The following PTPRD variants were observed in gnomAD, a reference collection of about 807,000 sequenced individuals.
PTPRD encodes receptor-type tyrosine-protein phosphatase delta.
Under a neutral mutation model 214.5 loss-of-function variants are expected in PTPRD, and 34 were observed. That is an observed-to-expected ratio of 0.16 (90% CI 0.12 to 0.21). The LOEUF (loss-of-function observed/expected upper bound fraction) is 0.21. Ranked by LOEUF, PTPRD falls within the 10% of genes least tolerant of loss-of-function variation. The probability of loss-of-function intolerance (pLI) is 1.00; values close to 1 mark genes in which losing one functional copy is unlikely to be tolerated. For missense variants in PTPRD, 2,545 were observed against 2,398.7 expected, an observed-to-expected ratio of 1.06 and a Z score of -1.27; for synonymous variants, 1,128 against 845.7, an observed-to-expected ratio of 1.33 and a Z score of -5.79.
intron 11 of PTPRD, among the ~76,000 whole-genome samples, chr9:8,958,264 T>C (rs2099142013): frequency 6.6e-6 from 1 of 151,906 alleles, no homozygotes; most frequent in African/African-American, 2.4e-5. Flanking sequence ...TCTCTCTCTG[T>C]CTGAACAAGG....
chr9:10,038,651 C>T (rs530537986), intron 3 of PTPRD, among the ~76,000 whole-genome samples: 369 of 152,178 alleles, frequency 2.4e-3, no homozygotes, highest in Non-Finnish European at 4.2e-3. Flanking sequence ...GAGTTGGGAC[C>T]TGAACAGACT....
intron 10 of PTPRD, among the ~76,000 whole-genome samples, chr9:9,020,773 C>A (rs1301403014): frequency 6.6e-6 from 1 of 152,066 alleles, no homozygotes; most frequent in African/African-American, 2.4e-5. Flanking sequence ...CAGCATATAT[C>A]TAAGAGAGTG....
chr9:9,882,194 A>G (rs1217329401), intron 5 of PTPRD, among the ~76,000 whole-genome samples: 5 of 152,106 alleles, frequency 3.3e-5, no homozygotes, highest in Admixed American at 3.3e-4. Context: ...GCCCTTCACC[A>G]CCTGAATTTT....
intron 11 of PTPRD, among the ~76,000 whole-genome samples, chr9:8,966,936 C>T (rs2099199393): frequency 1.4e-5 from 2 of 142,104 alleles, no homozygotes; most frequent in South Asian, 4.7e-4. Flanking sequence ...AAACAAACAA[C>T]AAAACAACAA....
intron 14 of PTPRD, among the ~76,000 whole-genome samples, chr9:8,546,321 C>T (rs553739658): frequency 1.3e-5 from 2 of 152,186 alleles, no homozygotes; most frequent in South Asian, 2.1e-4. Flanking sequence ...TGTTATAATT[C>T]GACAGATTAA....
chr9:8,393,419 G>A (rs1194507017), intron 36 of PTPRD, among the ~76,000 whole-genome samples: 3 of 152,090 alleles, frequency 2.0e-5, no homozygotes, highest in Non-Finnish European at 4.4e-5. Context: ...TGCTTGATTT[G>A]TTTTTTGGGT....
At chr9:9,431,743 G>T (rs931355859) in intron 8 of PTPRD, among the ~76,000 whole-genome samples, 23 of 151,978 alleles carry the variant, frequency 1.5e-4, no homozygotes, top group African/African-American at 4.8e-4. Flanking sequence ...ATGAGTTCAT[G>T]TCCTTTGTAG....
intron 6 of PTPRD, among the ~76,000 whole-genome samples, chr9:9,745,586 A>C (rs533549762): frequency 9.9e-5 from 15 of 152,240 alleles, no homozygotes; most frequent in African/African-American, 3.6e-4. Flanking sequence ...TTCCTCAAAA[A>C]AAAATTTAAC....
Position 8,521,317 on chromosome 9 carries a change from T to C in PTPRD, c.921A>G (p.Thr307=), listed in dbSNP as rs2138858923. 1 of 1,613,918 alleles carries C rather than the reference T, an allele frequency of 6.2e-7. No homozygotes were observed. The highest frequency in any genetic ancestry group is 1.1e-5 in the South Asian group (1 of 91,084). The change falls in exon 20 of 46, where the codon ACA becomes ACG. Residue 307 remains threonine (T), a synonymous_variant. Transcript: ENST00000381196. ...GTGCTATTGCTTCAATGACACCCAG[T>C]GTTGACATAGCAACACAGGTGTAAT... The part of the protein sequence containing the change: ...SANYTCVAMS[T]LGVIEAIAQI...
intron 12 of PTPRD, among the ~76,000 whole-genome samples, chr9:8,730,776 T>A (rs529381703): frequency 6.6e-6 from 1 of 152,282 alleles, no homozygotes; most frequent in South Asian, 2.1e-4. Context: ...AGCCGAATGG[T>A]TCTCGGAGCA....
At chr9:9,108,843 T>G (rs78255895) in intron 10 of PTPRD, among the ~76,000 whole-genome samples, 13 of 152,230 alleles carry the variant, frequency 8.5e-5, no homozygotes, top group African/African-American at 3.1e-4. Flanking sequence ...CTCAGTCTGG[T>G]CGGGGGAGCA....
At chr9:8,428,304 T>A (rs2094822943) in intron 35 of PTPRD, among the ~76,000 whole-genome samples, 1 of 152,196 alleles carries the variant, frequency 6.6e-6, no homozygotes, top group South Asian at 2.1e-4. Context: ...AATCCCAGTG[T>A]ATTAGGAGAT....
intron 7 of PTPRD, among the ~76,000 whole-genome samples, chr9:9,732,336 A>G (rs1029263840): frequency 6.6e-6 from 1 of 152,166 alleles, no homozygotes; most frequent in African/African-American, 2.4e-5. Flanking sequence ...CACACTGGTC[A>G]CATTAAAAAA....
intron 8 of PTPRD, among the ~76,000 whole-genome samples, chr9:9,471,860 G>C (rs1056680037): frequency 2.0e-5 from 3 of 152,060 alleles, no homozygotes; most frequent in African/African-American, 7.2e-5. Context: ...CATTTAAATG[G>C]TCACATTTCA....
intron 27 of PTPRD, among the ~76,000 whole-genome samples, chr9:8,488,082 T>C (rs1393130734): frequency 6.6e-6 from 1 of 151,954 alleles, no homozygotes. Context: ...AAGCTTACAG[T>C]AATGGGAAAC....
At chr9:9,799,961 A>T (rs1397103241) in intron 5 of PTPRD, among the ~76,000 whole-genome samples, 2 of 152,178 alleles carry the variant, frequency 1.3e-5, no homozygotes, top group Non-Finnish European at 2.9e-5. Context: ...TACAAAAAGA[A>T]ATTCCTTTCA....
chr9:10,378,175 C>A (rs1459271401), intron 2 of PTPRD, among the ~76,000 whole-genome samples: 4 of 151,964 alleles, frequency 2.6e-5, no homozygotes, highest in Admixed American at 6.6e-5. Flanking sequence ...ATGGTGAACA[C>A]CTTTTCATAT....
At chr9:9,062,231 A>C (rs925344243) in intron 10 of PTPRD, among the ~76,000 whole-genome samples, 1 of 152,220 alleles carries the variant, frequency 6.6e-6, no homozygotes, top group African/African-American at 2.4e-5. Flanking sequence ...TTACATGTCA[A>C]AGCACAGTTT....
intron 9 of PTPRD, among the ~76,000 whole-genome samples, chr9:9,312,083 C>T (rs1249941730): frequency 1.3e-5 from 2 of 151,994 alleles, no homozygotes; most frequent in Admixed American, 1.3e-4. Flanking sequence ...TTTTAAAATC[C>T]CTCACATTTA....
Sources: gnomAD v4.1 joint callset for allele counts (sites outside exome capture counted in the v4.1 genomes callset) on GRCh38, gnomAD v4.1.1 for gene constraint, MANE v1.5 for transcripts, NCBI Gene and HGNC (gene_info 2026-07-23, HGNC 2026-07-21) for gene names.